Variants in RP1L1 observed in about 807,000 individuals in gnomAD.
RP1L1 encodes retinitis pigmentosa 1-like 1 protein.
In RP1L1, 27 loss-of-function variants were observed where a neutral mutation model predicts 15.7. The ratio of observed to expected loss-of-function variants is 1.72; its 90% CI spans 1.27 to 2.38. RP1L1 has a LOEUF of 2.38. Among genes scored for constraint, RP1L1 ranks in the 30% most tolerant of loss-of-function variants. RP1L1 has a pLI of 0.00. For synonymous variants in RP1L1, 1,813 were observed against 1,276.7 expected, an observed-to-expected ratio of 1.42 and a Z score of -8.96; for missense variants, 4,798 against 3,075.9, an observed-to-expected ratio of 1.56 and a Z score of -13.24.
At position 10,612,087 on chromosome 8, in the gene RP1L1, G is replaced by A. The variant is rs375370418; in HGVS notation, c.2011C>T (p.Arg671Cys). Residue 671 changes from arginine (R) to cysteine (C), a missense_variant, in exon 4 of 4, where the codon CGC becomes TGC. Transcript: ENST00000382483. ...TCCAGTGGGCTGTGGGTGTCCTTGC[G>A]GTAGTGAGAATGCCTGGGATGGCCT... ...PRGHPRHSHY[R>C]KDTHSPLDSS... 361 of 1,613,858 alleles carry A rather than the reference G, an allele frequency of 2.2e-4. No individual in the cohort carries two copies. The highest frequency in any genetic ancestry group is 2.8e-4 in the Non-Finnish European group (330 of 1,180,030).
In RP1L1 at chr8:10,609,489, C is replaced by T. The variant is rs775843741; in HGVS notation, c.4609G>A (p.Ala1537Thr). ...EKAFLAHLAS[A>T]VAELRARWGL... ...CAGCGTGCTCGGAGCTCAGCCACCG[C>T]ACTGGCAAGGTGGGCCAGGAAGGCC... The change falls in exon 4 of 4, where the codon GCG becomes ACG. Residue 1537 changes from alanine to threonine, a missense_variant. Coordinates refer to ENST00000382483, the MANE Select transcript of RP1L1 (RefSeq NM_178857.6). The T allele has an allele frequency of 6.8e-6, 11 of 1,611,378 alleles. No individual in the cohort carries two copies. Among genetic ancestry groups the T allele is most frequent in the Non-Finnish European group, 8.5e-6 (10 of 1,179,536 alleles).
intron 3 of RP1L1, among the ~76,000 whole-genome samples, chr8:10,615,228 T>C (rs1380305106): frequency 2.0e-5 from 3 of 152,254 alleles, no homozygotes; most frequent in Non-Finnish European, 1.5e-5. Context: ...TGTTGGTGTT[T>C]CTGAGCTTTT....
chr8:10,615,568 G>C (rs111612616), intron 3 of RP1L1, among the ~76,000 whole-genome samples: 60 of 152,230 alleles, frequency 3.9e-4, no homozygotes, highest in African/African-American at 1.3e-3. Flanking sequence ...GGTCTCTGTT[G>C]CCTAGGCTGG....
In RP1L1 at chr8:10,636,244, A is replaced by G. The variant is rs530050074; in HGVS notation, c.-19-13024T>C. On this transcript the variant is annotated intron_variant, in intron 1 of 3. Coordinates refer to ENST00000382483, the MANE Select transcript of RP1L1 (RefSeq NM_178857.6). ...GACACCCAATATCTTGGCTTTAAAG[A>G]AGGGTTCTGGGGGCATCTGGGGCCG... Among the ~76,000 whole-genome samples, 88 of 152,268 alleles carry G rather than the reference A, an allele frequency of 5.8e-4. 1 individual carries two copies. Among genetic ancestry groups the G allele is most frequent in the African/African-American group, 2.0e-3 (84 of 41,554 alleles).
intron 1 of RP1L1, among the ~76,000 whole-genome samples, chr8:10,650,161 C>T (rs551253757): frequency 1.3e-5 from 2 of 152,276 alleles, no homozygotes; most frequent in African/African-American, 4.8e-5. Context: ...CTGCTGCAAC[C>T]ACCACGTGAT....
rs762572776 is a variant in RP1L1 at position 10,607,258 on chromosome 8, G to C, written c.6840C>G (p.Pro2280=). The C allele has an allele frequency of 3.1e-6, 5 of 1,614,084 alleles. No individual in the cohort carries two copies. The South Asian group carries it at 4.4e-5, about 14-fold the overall frequency. ...GGGGAGTGTCTCCACCTGGGGAAGG[G>C]GGTGGAGTGGGCCTGTCCTCAGGGA... is the stretch of plus-strand genomic sequence containing the variant. ...SPVPEDRPTP[P]PSPGGDTPHQ... is the part of the protein sequence containing the mutation. The change falls in exon 4 of 4, where the codon CCC becomes CCG. Residue 2280 remains proline (P), a synonymous_variant. Coordinates refer to ENST00000382483, the MANE Select transcript of RP1L1 (RefSeq NM_178857.6).
At chr8:10,635,616 G>T (rs1798317485) in intron 1 of RP1L1, among the ~76,000 whole-genome samples, 1 of 151,828 alleles carries the variant, frequency 6.6e-6, no homozygotes, top group South Asian at 2.1e-4. Flanking sequence ...AGGAGTCTCT[G>T]ATCTACACAG....
At chr8:10,626,573 C>T (rs1200720172) in intron 1 of RP1L1, among the ~76,000 whole-genome samples, 3 of 152,178 alleles carry the variant, frequency 2.0e-5, no homozygotes, top group Non-Finnish European at 4.4e-5. Context: ...TCCAGTGGCT[C>T]GCACTTGCCA....
At chr8:10,623,793 A>G (rs1038280763) in intron 1 of RP1L1, among the ~76,000 whole-genome samples, 3 of 149,018 alleles carry the variant, frequency 2.0e-5, no homozygotes, top group African/African-American at 7.5e-5. Flanking sequence ...ACAGCACCAC[A>G]TGTCCCCAAC....
chr8:10,606,732 G>T lies in RP1L1; in HGVS notation c.*163C>A. Reference sequence around the variant, plus strand: ...CTCTCTGACACTTCTGGACTTAAGAGTCCCAGGACAGCATGGCATGGGCTG... The same window carrying T: ...CTCTCTGACACTTCTGGACTTAAGATTCCCAGGACAGCATGGCATGGGCTG... On this transcript the variant is annotated 3_prime_UTR_variant, in exon 4 of 4. Coordinates refer to ENST00000382483, the MANE Select transcript of RP1L1 (RefSeq NM_178857.6). 1.7e-6 allele frequency: 2 copies of T among 1,207,024 alleles called. No homozygotes were observed. Among genetic ancestry groups the T allele is most frequent in the Non-Finnish European group, 2.3e-6 (2 of 877,196 alleles). The allele number at this position is 1,207,024 out of a possible 1,614,324, so 74.8% of individuals were successfully genotyped here. A position where few individuals can be genotyped will look rare whatever the true frequency, so the allele number is the denominator to read the frequency against.
rs750435765 is a variant in RP1L1 at position 10,610,865 on chromosome 8, C to T, written c.3233G>A (p.Arg1078Gln). Residue 1078 changes from arginine (R) to glutamine (Q), a missense_variant, in exon 4 of 4, where the codon CGG becomes CAG. Physicochemically the swap from Arg to Gln is conservative, Grantham distance 43. Transcript: ENST00000382483. ...CATGATCTGCGTGGAGGCAGACACC[C>T]GGCCAGGAAGTGCCCGCAGGCTCAC... The part of the protein sequence containing the change: ...CRVSLRALPG[R>Q]VSASTQIMRA... The T allele has an allele frequency of 1.1e-5, 18 of 1,608,306 alleles. No homozygotes were observed. In the East Asian group the frequency reaches 1.3e-4, roughly 12 times the overall value.
chr8:10,643,263 C>T (rs1798432455), intron 1 of RP1L1, among the ~76,000 whole-genome samples: 1 of 152,116 alleles, frequency 6.6e-6, no homozygotes, highest in Admixed American at 6.5e-5. Flanking sequence ...AGGTTTGAGC[C>T]TGGGAGGTGG....
intron 1 of RP1L1, among the ~76,000 whole-genome samples, chr8:10,645,820 C>T (rs1011822409): frequency 6.6e-6 from 1 of 152,204 alleles, no homozygotes; most frequent in African/African-American, 2.4e-5. Flanking sequence ...CACCTATTGG[C>T]CACCAGGGAC....
rs75413953 is a variant in RP1L1, at chr8:10,630,921, G to A, written c.-19-7701C>T. On this transcript the variant is annotated intron_variant, in intron 1 of 3. Transcript: ENST00000382483. The stretch of plus-strand genomic sequence containing the variant: ...GAAATTGGATGAGACTTCCCAGCTG[G>A]GCTTGTGGGGGCTGGGAGGTGTGCA... Among the ~76,000 whole-genome samples the A allele has an allele frequency of 1.2e-3, 186 of 152,284 alleles. 2 individuals carry two copies. Among genetic ancestry groups the A allele is most frequent in the African/African-American group, 3.2e-3 (131 of 41,570 alleles).
rs897253803 is a variant in RP1L1, at chr8:10,622,678, G to C, written c.524C>G (p.Thr175Ser). 6.2e-7 allele frequency: 1 copy of C among 1,614,190 alleles called. No individual in the cohort carries two copies. Among genetic ancestry groups the C allele is most frequent in the Non-Finnish European group, 8.5e-7 (1 of 1,180,026 alleles). The change falls in exon 2 of 4, where the codon ACT becomes AGT. Residue 175 changes from threonine to serine, a missense_variant. Physicochemically the swap from Thr to Ser is moderately conservative, Grantham distance 58. Transcript: ENST00000382483. ...GCCGAGAAAGGCGGCCAGGTTCCTA[G>C]TATTCCTGTGACTGAGAACCACTGT... ...QQTVVLSHRNTRNLAAFLGKA... is the reference protein window; with the variant it reads ...QQTVVLSHRNSRNLAAFLGKA...
intron 1 of RP1L1, among the ~76,000 whole-genome samples, chr8:10,628,002 C>A (rs1290214151): frequency 6.6e-6 from 1 of 152,200 alleles, no homozygotes; most frequent in Non-Finnish European, 1.5e-5. Flanking sequence ...CAGGCTCATG[C>A]CTCCTGGCAT....
intron 1 of RP1L1, among the ~76,000 whole-genome samples, chr8:10,633,342 A>C (rs1463285252): frequency 1.3e-5 from 2 of 152,220 alleles, no homozygotes; most frequent in African/African-American, 4.8e-5. Context: ...GAGGGCAAGA[A>C]GCCTGACAAG....
chr8:10,625,234 C>G (rs1020926521), intron 1 of RP1L1, among the ~76,000 whole-genome samples: 1 of 152,144 alleles, frequency 6.6e-6, no homozygotes, highest in South Asian at 2.1e-4. Flanking sequence ...AGGCCGCGCC[C>G]AGAGAGAGAA....
Position 10,610,610 on chromosome 8 carries a change from A to G in RP1L1, c.3488T>C (p.Val1163Ala), listed in dbSNP as rs778411310. Reference sequence around the variant, plus strand: ...GCCTGAGTCCAGCTGGTCTTCCCCAACGTCACATCCTGGCCACAGGTCCTT... The same window carrying G: ...GCCTGAGTCCAGCTGGTCTTCCCCAGCGTCACATCCTGGCCACAGGTCCTT... ...ISKDLWPGCDVGEDQLDSGLW... is the reference protein window; with the variant it reads ...ISKDLWPGCDAGEDQLDSGLW... The change falls in exon 4 of 4, where the codon GTT becomes GCT. Residue 1163 changes from valine (V) to alanine (A), a missense_variant. Transcript: ENST00000382483. 3.1e-6 allele frequency: 5 copies of G among 1,613,386 alleles called. No individual in the cohort carries two copies. The highest frequency in any genetic ancestry group is 4.5e-5 in the East Asian group (2 of 44,892).
Sources: allele counts gnomAD v4.1 joint callset (sites outside exome capture counted in the v4.1 genomes callset), GRCh38; gene constraint gnomAD v4.1.1; transcripts MANE v1.5; gene names NCBI Gene and HGNC (gene_info 2026-07-23, HGNC 2026-07-21).